The following HDAC9 variants were observed in gnomAD, a reference collection of about 807,000 sequenced individuals.
HDAC9 encodes histone deacetylase 9.
A neutral mutation model predicts 139.4 loss-of-function variants in HDAC9; 41 were observed. The ratio of observed to expected loss-of-function variants is 0.29; its 90% CI spans 0.23 to 0.38. HDAC9 has a LOEUF of 0.38. Among genes scored for constraint, HDAC9 ranks in the 10% least tolerant of loss-of-function variants. The pLI is 1.00. For synonymous variants in HDAC9, 517 were observed against 476.2 expected, an observed-to-expected ratio of 1.09 and a Z score of -1.12; for missense variants, 1,147 against 1,297.0, an observed-to-expected ratio of 0.88 and a Z score of 1.78.
chr7:18,643,313 T>G (rs1786326704), intron 8 of HDAC9, among the ~76,000 whole-genome samples: 1 of 152,154 alleles, frequency 6.6e-6, no homozygotes, highest in Non-Finnish European at 1.5e-5. Context: ...GACAACTAAT[T>G]TTTTAAAGGG....
intron 22 of HDAC9, among the ~76,000 whole-genome samples, chr7:18,905,239 C>G (rs998993626): frequency 1.3e-5 from 2 of 152,238 alleles, no homozygotes; most frequent in Non-Finnish European, 2.9e-5. Context: ...CAGAATCCCT[C>G]TTGTTGCTCA....
At chr7:18,755,714 A>G (rs1018966589) in intron 14 of HDAC9, among the ~76,000 whole-genome samples, 3 of 152,118 alleles carry the variant, frequency 2.0e-5, no homozygotes, top group Admixed American at 1.3e-4. Flanking sequence ...ACTTAAAAAA[A>G]TAGAGAGTAT....
chr7:18,886,720 G>A (rs1800187904), intron 22 of HDAC9, among the ~76,000 whole-genome samples: 1 of 152,084 alleles, frequency 6.6e-6, no homozygotes, highest in African/African-American at 2.4e-5. Flanking sequence ...CAGACTTCCA[G>A]TGACTGAATA....
chr7:18,603,478 G>T (rs1313166196), intron 6 of HDAC9, among the ~76,000 whole-genome samples: 1 of 151,720 alleles, frequency 6.6e-6, no homozygotes, highest in African/African-American at 2.4e-5. Context: ...TGTTTCAGTG[G>T]TTTCTCTAGA....
At chr7:18,536,008 C>A (rs1810784259) in intron 2 of HDAC9, among the ~76,000 whole-genome samples, 1 of 152,074 alleles carries the variant, frequency 6.6e-6, no homozygotes. Context: ...TTTTATGTTC[C>A]CCGGCCTGGC....
At chr7:18,858,440 A>G (rs1252282707) in intron 21 of HDAC9, among the ~76,000 whole-genome samples, 1 of 152,146 alleles carries the variant, frequency 6.6e-6, no homozygotes, top group Non-Finnish European at 1.5e-5. Flanking sequence ...GTCAGCTCTC[A>G]TGAGAACTCA....
chr7:18,625,637 A>G (rs1465549385), intron 6 of HDAC9, among the ~76,000 whole-genome samples: 2 of 152,060 alleles, frequency 1.3e-5, no homozygotes, highest in Non-Finnish European at 2.9e-5. Context: ...ATTTGATCCT[A>G]TAGTAGCTGC....
At chr7:18,914,354 T>C (rs1228367636) in intron 22 of HDAC9, among the ~76,000 whole-genome samples, 1 of 151,744 alleles carries the variant, frequency 6.6e-6, no homozygotes, top group Non-Finnish European at 1.5e-5. Flanking sequence ...TATTCATTCG[T>C]TTCAGGTTTT....
chr7:18,310,176 T>C (rs936638327), intron 1 of HDAC9, among the ~76,000 whole-genome samples: 2 of 118,348 alleles, frequency 1.7e-5, no homozygotes, highest in Non-Finnish European at 3.5e-5. Flanking sequence ...GGGGTGGGGT[T>C]GGGGGGAATG....
chr7:18,911,080 G>C (rs1802695934), intron 22 of HDAC9, among the ~76,000 whole-genome samples: 1 of 149,104 alleles, frequency 6.7e-6, no homozygotes, highest in Admixed American at 6.7e-5. Flanking sequence ...TCCAGTTCTT[G>C]GTTTCTCTTT....
At chr7:18,104,879 A>G (rs771861229) in intron 1 of HDAC9, among the ~76,000 whole-genome samples, 1 of 151,878 alleles carries the variant, frequency 6.6e-6, no homozygotes, top group African/African-American at 2.4e-5. Flanking sequence ...ATCTTTTCTA[A>G]AGGCTATTTC....
chr7:18,411,450 C>T (rs1449229076), intron 1 of HDAC9, among the ~76,000 whole-genome samples: 1 of 152,176 alleles, frequency 6.6e-6, no homozygotes, highest in East Asian at 1.9e-4. Flanking sequence ...TTTTGGCTCA[C>T]TGCAGCCTCC....
At chr7:18,305,524 G>A (rs1310148730) in intron 1 of HDAC9, among the ~76,000 whole-genome samples, 2 of 152,036 alleles carry the variant, frequency 1.3e-5, no homozygotes, top group South Asian at 2.1e-4. Flanking sequence ...TTCTTCCACT[G>A]TACCAACCCA....
At chr7:18,584,272 G>C (rs1828765270) in intron 2 of HDAC9, among the ~76,000 whole-genome samples, 1 of 149,934 alleles carries the variant, frequency 6.7e-6, no homozygotes, top group Non-Finnish European at 1.5e-5. Flanking sequence ...GGGACTACAG[G>C]CACCCGCCAC....
At chr7:18,877,052 A>T (rs1210850435) in intron 22 of HDAC9, among the ~76,000 whole-genome samples, 1 of 152,096 alleles carries the variant, frequency 6.6e-6, no homozygotes, top group Non-Finnish European at 1.5e-5. Context: ...AGTGCCCATG[A>T]CCCTTAATCC....
chr7:18,105,879 G>T (rs532216556), intron 1 of HDAC9, among the ~76,000 whole-genome samples: 1 of 152,124 alleles, frequency 6.6e-6, no homozygotes, highest in Non-Finnish European at 1.5e-5. Context: ...TTGCACAATG[G>T]CATATTACTA....
intron 2 of HDAC9, among the ~76,000 whole-genome samples, chr7:18,213,718 CTA>C (rs1261290285): frequency 6.6e-6 from 1 of 152,160 alleles, no homozygotes; most frequent in Non-Finnish European, 1.5e-5. Context: ...AGATGTGAAA[CTA>C]TCAATTCTTC....
chr7:18,769,030 A>G (rs1391229887), intron 16 of HDAC9, among the ~76,000 whole-genome samples: 2 of 152,134 alleles, frequency 1.3e-5, no homozygotes, highest in Non-Finnish European at 2.9e-5. Context: ...TTGGTAAGTT[A>G]GGTGTATTAA....
intron 2 of HDAC9, among the ~76,000 whole-genome samples, chr7:18,580,200 A>G (rs1827363928): frequency 6.6e-6 from 1 of 151,570 alleles, no homozygotes; most frequent in Non-Finnish European, 1.5e-5. Flanking sequence ...AAATGTAATT[A>G]TTATGAACAC....
Sources: gnomAD v4.1 joint callset for allele counts (sites outside exome capture counted in the v4.1 genomes callset) on GRCh38, gnomAD v4.1.1 for gene constraint, MANE v1.5 for transcripts, NCBI Gene and HGNC (gene_info 2026-07-23, HGNC 2026-07-21) for gene names.